Variants in PHIP observed in about 807,000 individuals in gnomAD.
PHIP encodes the protein PH-interacting protein.
PHIP carries 54 observed loss-of-function variants against 236.8 expected under a neutral mutation model. The observed-to-expected ratio is 0.23, with a 90% confidence interval of 0.18 to 0.29. The LOEUF is 0.29. Ranked by LOEUF, PHIP falls within the 10% of genes least tolerant of loss-of-function variation. The probability of loss-of-function intolerance (pLI) is 1.00; values close to 1 mark genes in which losing one functional copy is unlikely to be tolerated. For synonymous variants in PHIP, 756 were observed against 718.9 expected, an observed-to-expected ratio of 1.05 and a Z score of -0.83; for missense variants, 1,370 against 2,190.8, an observed-to-expected ratio of 0.63 and a Z score of 7.48.
chr6:78,963,328 AAC>A, intron 29 of PHIP, 76 bp from the exon 30 acceptor site: 1 of 1,126,456 alleles, frequency 8.9e-7, no homozygotes, highest in Non-Finnish European at 1.3e-6. Flanking sequence ...ATGTAAAAAT[AAC>A]AGTCACAAAA....
intron 31 of PHIP, 43 bp downstream of exon 31, chr6:78,961,647 C>T: frequency 6.3e-7 from 1 of 1,594,226 alleles, no homozygotes; most frequent in Non-Finnish European, 8.6e-7. Flanking sequence ...GTGGAAAGAT[C>T]ACCAGCTTTC....
In PHIP at chr6:78,982,876, A is replaced by C. The variant is rs745476222; in HGVS notation, c.2769+10T>G. 1.3e-6 allele frequency: 2 copies of C among 1,525,412 alleles called. No individual in the cohort carries two copies. Among genetic ancestry groups the C allele is most frequent in the South Asian group, 2.5e-5 (2 of 81,144 alleles). 94.5% of individuals were successfully genotyped at this position (1,525,412 alleles called of 1,614,324 possible). A position where few individuals can be genotyped will look rare whatever the true frequency, so the allele number is the denominator to read the frequency against. The stretch of plus-strand genomic sequence containing the variant: ...AGAAAACACCAAATTTGTAATGTTA[A>C]AAACCAAACCTTTTGTTTTCTTTCT... On this transcript the variant is annotated intron_variant, in intron 23 of 39. Transcript: ENST00000275034.
In PHIP at chr6:79,042,164, G is replaced by GT; in HGVS notation, c.600+678dup. On this transcript the variant is annotated intron_variant, in intron 7 of 39. Coordinates refer to ENST00000275034, the MANE Select transcript of PHIP (RefSeq NM_017934.7). ...AGTATTATGCTTAATGAATGTAGAT[G>GT]TTAAGGCACCTGAAAATCAAATATT... is the stretch of plus-strand genomic sequence containing the variant. 2.0e-5 allele frequency among the ~76,000 whole-genome samples: 3 copies of GT among 152,068 alleles called. No individual in the cohort carries two copies. The Middle Eastern group carries it at 0.01, about 517-fold the overall frequency.
chr6:79,042,587 G>A lies in PHIP; in HGVS notation c.600+256C>T, dbSNP rs192611540. ...ATGTCAAACTGTGTATTTGATATAT[G>A]TTGAGAACCATACTTATTCATGATG... On this transcript the variant is annotated intron_variant, in intron 7 of 39. Coordinates refer to ENST00000275034, the MANE Select transcript of PHIP (RefSeq NM_017934.7). 6.6e-4 allele frequency among the ~76,000 whole-genome samples: 101 copies of A among 152,046 alleles called. 1 individual carries two copies. In the South Asian group the frequency reaches 7.9e-3, roughly 12 times the overall value.
At chr6:78,998,497 G>A in intron 17 of PHIP, 106 bp from the exon 18 acceptor site, 2 of 753,834 alleles carry the variant, frequency 2.7e-6, no homozygotes, top group East Asian at 2.8e-5. Context: ...ATGTTGCTTG[G>A]GTAAAAGACT....
intron 19 of PHIP, among the ~76,000 whole-genome samples, chr6:78,996,422 CTA>C (rs1447646987): frequency 1.3e-5 from 2 of 152,144 alleles, no homozygotes; most frequent in African/African-American, 4.8e-5. Flanking sequence ...GGCTGATTTA[CTA>C]TGTCTTATTC....
intron 15 of PHIP, among the ~76,000 whole-genome samples, chr6:79,005,455 C>A (rs2127734196): frequency 6.6e-6 from 1 of 151,886 alleles, no homozygotes; most frequent in East Asian, 1.9e-4. Context: ...AAAAAAGTTA[C>A]ATGAACTGTT....
intron 6 of PHIP, among the ~76,000 whole-genome samples, chr6:79,055,978 C>A (rs1189834167): frequency 6.6e-6 from 1 of 152,128 alleles, no homozygotes; most frequent in African/African-American, 2.4e-5. Context: ...TTTTGTAATA[C>A]CTTACCCACC....
chr6:78,948,244 AACTTCAGT>A (rs1274667564), intron 35 of PHIP, among the ~76,000 whole-genome samples: 1 of 152,078 alleles, frequency 6.6e-6, no homozygotes, highest in Non-Finnish European at 1.5e-5. Context: ...TAGTAATCTC[AACTTCAGT>A]ACTAAAATTG....
chr6:79,060,858 C>A, intron 4 of PHIP, 40 bp from the exon 5 acceptor site: 1 of 1,348,178 alleles, frequency 7.4e-7, no homozygotes, highest in South Asian at 1.5e-5. Flanking sequence ...TTCAGTTTAT[C>A]ATTTTAATTT....
chr6:78,976,011 T>G (rs1484360160), intron 24 of PHIP, among the ~76,000 whole-genome samples: 2 of 151,790 alleles, frequency 1.3e-5, no homozygotes. Context: ...CTTCACAGAA[T>G]TGGAAAAAAC....
chr6:79,048,479 C>A (rs1161372411), intron 6 of PHIP, among the ~76,000 whole-genome samples: 3 of 152,000 alleles, frequency 2.0e-5, no homozygotes, highest in African/African-American at 7.2e-5. Flanking sequence ...AGTACTATAG[C>A]AGAAATACCA....
intron 24 of PHIP, among the ~76,000 whole-genome samples, chr6:78,975,679 C>G (rs1327075282): frequency 6.6e-6 from 1 of 152,158 alleles, no homozygotes; most frequent in Non-Finnish European, 1.5e-5. Flanking sequence ...AGCAAAGTCT[C>G]AGGATACAAA....
chr6:79,012,878 G>GA (rs1181198245), intron 15 of PHIP, among the ~76,000 whole-genome samples: 9 of 151,272 alleles, frequency 5.9e-5, no homozygotes, highest in East Asian at 1.9e-4. Context: ...AGACAGACAG[G>GA]AAAAAAAATC....
chr6:78,991,834 TTTAATTTTTTTGTTC>T (rs1769266552), intron 19 of PHIP, among the ~76,000 whole-genome samples: 1 of 151,280 alleles, frequency 6.6e-6, no homozygotes, highest in Admixed American at 6.6e-5. Flanking sequence ...CAGGCTTGGA[TTTAATTTTTTTGTTC>T]TTAATTTTTT....
chr6:79,036,130 A>C (rs928147034), intron 7 of PHIP, among the ~76,000 whole-genome samples: 4 of 152,190 alleles, frequency 2.6e-5, no homozygotes, highest in African/African-American at 9.6e-5. Flanking sequence ...GTCTCTATTC[A>C]ATACTCTTCT....
rs574288140 is a variant in PHIP, at chr6:78,974,330, A to G, written c.2890-3442T>C. On this transcript the variant is annotated intron_variant, in intron 24 of 39. Transcript: ENST00000275034. ...ATAAAGATGTTCTTTGAAACCAACG[A>G]GAACAAAGACACAACATACCAGAAT... Among the ~76,000 whole-genome samples, 7 of 152,106 alleles carry G rather than the reference A, an allele frequency of 4.6e-5. No homozygotes were observed. In the East Asian group the frequency reaches 1.4e-3, roughly 29 times the overall value.
intron 9 of PHIP, among the ~76,000 whole-genome samples, chr6:79,020,161 CCTT>C (rs1297032066): frequency 3.3e-5 from 5 of 150,960 alleles, no homozygotes; most frequent in South Asian, 4.2e-4. Context: ...TGCGGTTTTG[CCTT>C]TTTTTTAAAA....
At chr6:79,040,348 T>C (rs912708175) in intron 7 of PHIP, among the ~76,000 whole-genome samples, 2 of 152,152 alleles carry the variant, frequency 1.3e-5, no homozygotes, top group African/African-American at 4.8e-5. Context: ...TGCCTCCAGC[T>C]GTGCCTGTTC....
Sources: allele counts gnomAD v4.1 joint callset (sites outside exome capture counted in the v4.1 genomes callset), GRCh38; gene constraint gnomAD v4.1.1; transcripts MANE v1.5; gene names NCBI Gene and HGNC (gene_info 2026-07-23, HGNC 2026-07-21).